CCDC171: variants seen among roughly 807,000 people sequenced by gnomAD.
CCDC171 encodes coiled-coil domain containing 171.
In CCDC171, 177 loss-of-function variants were observed where a neutral mutation model predicts 168.2. That is an observed-to-expected ratio of 1.05 (90% CI 0.93 to 1.19). The LOEUF (loss-of-function observed/expected upper bound fraction) is 1.19, where lower values mean the gene tolerates loss of function less well. CCDC171 is among the 50% of genes most tolerant of loss of function. The pLI is 0.00. For synonymous variants in CCDC171, 687 were observed against 540.8 expected, an observed-to-expected ratio of 1.27 and a Z score of -3.75; for missense variants, 1,991 against 1,539.0, an observed-to-expected ratio of 1.29 and a Z score of -4.91.
intron 25 of CCDC171, among the ~76,000 whole-genome samples, chr9:15,947,876 C>T (rs900047485): frequency 1.3e-5 from 2 of 151,248 alleles, no homozygotes; most frequent in African/African-American, 4.9e-5. Flanking sequence ...GCACAATGTG[C>T]AGGTTAGTTA....
intron 25 of CCDC171, among the ~76,000 whole-genome samples, chr9:15,970,150 A>T (rs1421836333): frequency 2.0e-5 from 3 of 152,200 alleles, no homozygotes; most frequent in African/African-American, 4.8e-5. Context: ...AACAAAGATC[A>T]AAGAAAATTG....
intron 18 of CCDC171, among the ~76,000 whole-genome samples, chr9:15,759,006 A>G (rs1485216442): frequency 1.3e-5 from 2 of 152,186 alleles, no homozygotes; most frequent in Non-Finnish European, 2.9e-5. Flanking sequence ...AGCTGCATCC[A>G]TGTCGCTGCA....
rs532154311 is a variant in CCDC171, at chr9:15,673,149, G to C, written c.1077-5609G>C. Among the ~76,000 whole-genome samples, 887 of 151,718 alleles carry C rather than the reference G, an allele frequency of 5.8e-3. 10 individuals carry two copies. The highest frequency in any genetic ancestry group is 0.02 in the African/African-American group (827 of 41,482). ...ATGGGAGTTCACTCATGAATTGGCT[G>C]TCTGTCTGTTATTGGTGTATAAGAA... On this transcript the variant is annotated intron_variant, in intron 9 of 25. Coordinates refer to ENST00000380701, the MANE Select transcript of CCDC171 (RefSeq NM_173550.4).
At chr9:15,849,219 A>C (rs2061026042) in intron 23 of CCDC171, among the ~76,000 whole-genome samples, 1 of 151,368 alleles carries the variant, frequency 6.6e-6, no homozygotes, top group South Asian at 2.1e-4. Flanking sequence ...TTTGCTGAAC[A>C]AAGCAGAGGT....
rs113863430 is a variant in CCDC171 at position 15,787,048 on chromosome 9, C to T, written c.3267+2354C>T. On this transcript the variant is annotated intron_variant, in intron 21 of 25. Transcript: ENST00000380701. ...TTAGGTGGTCTTCTATATGGACACG[C>T]GTGACAGTATCATCATTTCCTGGCT... Among the ~76,000 whole-genome samples, 54 of 152,140 alleles carry T rather than the reference C, an allele frequency of 3.5e-4. 4 individuals carry two copies. Among genetic ancestry groups the T allele is most frequent in the East Asian group, 1.5e-3 (8 of 5,180 alleles).
At chr9:15,600,589 C>G (rs1464029734) in intron 6 of CCDC171, among the ~76,000 whole-genome samples, 1 of 152,162 alleles carries the variant, frequency 6.6e-6, no homozygotes, top group Non-Finnish European at 1.5e-5. Context: ...GGTCCGGGAC[C>G]CACTTGAGGA....
chr9:15,770,387 GA>G (rs1455940946), intron 18 of CCDC171, among the ~76,000 whole-genome samples: 2 of 152,088 alleles, frequency 1.3e-5, no homozygotes, highest in Non-Finnish European at 2.9e-5. Flanking sequence ...CTATATTACA[GA>G]AAAATTAGTT....
intron 5 of CCDC171, 70 bp downstream of exon 5, chr9:15,591,626 A>G (rs4741511): frequency 0.018 from 15,422 of 880,514 alleles, 188 homozygotes; most frequent in Admixed American, 0.036. Context: ...CATTACTTGA[A>G]GTTATCCTGG....
intron 25 of CCDC171, among the ~76,000 whole-genome samples, chr9:15,938,645 T>C (rs1827370133): frequency 6.6e-6 from 1 of 151,860 alleles, no homozygotes. Flanking sequence ...AGATTCTATG[T>C]TAGCTGAGAA....
intron 21 of CCDC171, among the ~76,000 whole-genome samples, chr9:15,812,765 T>A (rs10429512): frequency 6.6e-6 from 1 of 152,200 alleles, no homozygotes; most frequent in Non-Finnish European, 1.5e-5. Flanking sequence ...TTCATTATTA[T>A]TGTGGACCAG....
chr9:15,822,630 G>A (rs201638900), intron 21 of CCDC171, among the ~76,000 whole-genome samples: 13 of 152,076 alleles, frequency 8.5e-5, no homozygotes, highest in Non-Finnish European at 1.9e-4. Context: ...CAAAACCACA[G>A]TGAGATACCA....
chr9:15,804,749 G>C (rs578059243), intron 21 of CCDC171, among the ~76,000 whole-genome samples: 7 of 151,994 alleles, frequency 4.6e-5, no homozygotes, highest in East Asian at 1.9e-4. Flanking sequence ...TGGCCTCATA[G>C]AATGAGTTTG....
At chr9:15,989,079 A>G (rs1832096036) in intron 3 of CCDC171, among the ~76,000 whole-genome samples, 1 of 152,176 alleles carries the variant, frequency 6.6e-6, no homozygotes, top group African/African-American at 2.4e-5. Flanking sequence ...TGAAGAGAGT[A>G]GTGGTTCTCC....
At position 16,007,020 on chromosome 9, in the gene CCDC171, A is replaced by G. The variant is rs530947880; in HGVS notation, n.369-13569A>G. On this transcript the variant is annotated intron_variant and non_coding_transcript_variant, in intron 3 of 9. Transcript: ENST00000486641. ...AGGAATCGCCACACTGACTTCCACA[A>G]TGGTTGAACTAGTTTACAGTCCCAC... 5.4e-4 allele frequency among the ~76,000 whole-genome samples: 82 copies of G among 152,288 alleles called. 1 individual carries two copies. Among genetic ancestry groups the G allele is most frequent in the African/African-American group, 1.7e-3 (71 of 41,554 alleles).
At chr9:15,642,021 G>A (rs2132541806) in intron 7 of CCDC171, among the ~76,000 whole-genome samples, 1 of 152,084 alleles carries the variant, frequency 6.6e-6, no homozygotes, top group East Asian at 1.9e-4. Context: ...AAAAGTAGCT[G>A]GTCATGGTGG....
chr9:16,044,482 G>GAA (rs33969500), intron 1 of CCDC171, among the ~76,000 whole-genome samples: 2 of 146,184 alleles, frequency 1.4e-5, no homozygotes, highest in Non-Finnish European at 1.5e-5. Context: ...AACCACAGGA[G>GAA]AAAAAAAAAG....
chr9:16,105,267 C>T, the CCDC171 span, among the ~76,000 whole-genome samples: 5 of 152,210 alleles, frequency 3.3e-5, no homozygotes, highest in African/African-American at 9.6e-5. Flanking sequence ...TATCTGAGGG[C>T]GGGAGAAGTG....
intron 3 of CCDC171, 104 bp from the exon 4 acceptor site, chr9:15,578,745 C>T: frequency 1.3e-6 from 1 of 748,858 alleles, no homozygotes; most frequent in Non-Finnish European, 2.0e-6. Context: ...TAAATTTTTG[C>T]CTTGTATATA....
intron 23 of CCDC171, among the ~76,000 whole-genome samples, chr9:15,864,396 G>T (rs985535939): frequency 1.3e-5 from 2 of 151,950 alleles, no homozygotes; most frequent in Non-Finnish European, 2.9e-5. Flanking sequence ...TGCCATGTTG[G>T]TGTGTTGCAC....
Sources: allele counts gnomAD v4.1 joint callset (sites outside exome capture counted in the v4.1 genomes callset), GRCh38; gene constraint gnomAD v4.1.1; transcripts MANE v1.5; gene names NCBI Gene and HGNC (gene_info 2026-07-23, HGNC 2026-07-21).